The following ASAP2 variants were observed in gnomAD, a reference collection of about 807,000 sequenced individuals.
The protein encoded by ASAP2 is ArfGAP with SH3 domain, ankyrin repeat and PH domain 2.
A neutral mutation model predicts 131.4 loss-of-function variants in ASAP2; 45 were observed. The ratio of observed to expected loss-of-function variants is 0.34; its 90% CI spans 0.27 to 0.44. The LOEUF is 0.44. Ranked by LOEUF, ASAP2 falls within the 20% of genes least tolerant of loss-of-function variation. The pLI is 1.00. For synonymous variants in ASAP2, 510 were observed against 503.0 expected (o/e 1.01, Z -0.19); for missense variants, 1,011 against 1,297.0 (o/e 0.78, Z 3.39).
chr2:9,236,476 TCTTA>T (rs1326963769), intron 1 of ASAP2, among the ~76,000 whole-genome samples: 3 of 152,228 alleles, frequency 2.0e-5, no homozygotes, highest in African/African-American at 7.2e-5. Context: ...TATTTTGATA[TCTTA>T]CTTTTATGAA....
chr2:9,318,148 T>G (rs1572438999), intron 3 of ASAP2, among the ~76,000 whole-genome samples: 2 of 152,236 alleles, frequency 1.3e-5, no homozygotes, highest in African/African-American at 4.8e-5. Context: ...GTCCAGCTTA[T>G]GGGTGGAGCC....
intron 24 of ASAP2, 61 bp from the exon 25 acceptor site, chr2:9,399,962 G>A (rs79805479): frequency 1.3e-6 from 2 of 1,536,498 alleles, no homozygotes; most frequent in Non-Finnish European, 1.8e-6. Flanking sequence ...GATAAAAGGG[G>A]ATGAGAAAGG....
chr2:9,330,401 A>G (rs1670758427), intron 7 of ASAP2, among the ~76,000 whole-genome samples: 1 of 152,192 alleles, frequency 6.6e-6, no homozygotes, highest in Non-Finnish European at 1.5e-5. Context: ...GAGTGACAGC[A>G]GAGTCTCAGG....
chr2:9,385,741 C>T (rs1230109166), intron 21 of ASAP2, among the ~76,000 whole-genome samples: 2 of 152,318 alleles, frequency 1.3e-5, no homozygotes, highest in East Asian at 1.9e-4. Flanking sequence ...CTTATAAAAA[C>T]ATCAACTGAA....
intron 1 of ASAP2, among the ~76,000 whole-genome samples, chr2:9,245,878 C>G (rs1370038074): frequency 1.3e-5 from 2 of 152,292 alleles, no homozygotes; most frequent in East Asian, 3.9e-4. Flanking sequence ...AGAACTTGTT[C>G]TCAATAAATA....
At position 9,344,568 on chromosome 2, in the gene ASAP2, C is replaced by A; in HGVS notation, c.886C>A (p.His296Asn). 1.9e-6 allele frequency: 3 copies of A among 1,614,152 alleles called. No homozygotes were observed. Among genetic ancestry groups the A allele is most frequent in the Non-Finnish European group, 2.5e-6 (3 of 1,180,010 alleles). ...TCGTCAGAGCACAGCTTATAGCTTA[C>A]ATCAGCCTCAGGGAAACAAGGAACA... is the stretch of plus-strand genomic sequence containing the variant. ...QIRQSTAYSL[H>N]QPQGNKEHGT... Residue 296 changes from histidine to asparagine, a missense_variant, in exon 10 of 28, where the codon CAT becomes AAT. By Grantham distance (68) the His-to-Asn change is moderately conservative. Around this residue, in one of 2 missense-constraint regions of ASAP2, gnomAD observed 359 missense variants for 598.1 expected, o/e 0.60. Coordinates refer to ENST00000281419, the MANE Select transcript of ASAP2 (RefSeq NM_003887.3).
At position 9,207,277 on chromosome 2, in the gene ASAP2, C is replaced by T; in HGVS notation, c.126+47C>T. 1.4e-6 allele frequency: 2 copies of T among 1,468,314 alleles called. No individual in the cohort carries two copies. The highest frequency in any genetic ancestry group is 1.8e-6 in the Non-Finnish European group (2 of 1,115,468). 91.0% of individuals were successfully genotyped at this position (1,468,314 alleles called of 1,614,324 possible). ...CTCCGGCCGCAGGTATCCCGCGCCC[C>T]AGCCCCGCCCGCCGCTCCCGCATCC... On this transcript the variant is annotated intron_variant, in intron 1 of 27. Coordinates refer to ENST00000281419, the MANE Select transcript of ASAP2 (RefSeq NM_003887.3). The surrounding 1 kb of genome is among the most constrained non-coding windows in gnomAD (Gnocchi z 4.1).
chr2:9,309,101 T>A (rs1478992142), intron 3 of ASAP2, among the ~76,000 whole-genome samples: 1 of 152,184 alleles, frequency 6.6e-6, no homozygotes, highest in Admixed American at 6.5e-5. Context: ...CTTTGCGCTC[T>A]GCTCCAAGAC....
Position 9,320,065 on chromosome 2 carries a change from G to A in ASAP2, c.421-223G>A, listed in dbSNP as rs1572443885. Reference sequence around the variant, plus strand: ...CTGGGTGGCAGCACCTTGCTTTTGTGTACATTTAGTATATTCTATATTATT... The same window carrying A: ...CTGGGTGGCAGCACCTTGCTTTTGTATACATTTAGTATATTCTATATTATT... On this transcript the variant is annotated intron_variant, in intron 4 of 27. Transcript: ENST00000281419. Among the ~76,000 whole-genome samples the A allele has an allele frequency of 2.0e-5, 3 of 152,158 alleles. No individual in the cohort carries two copies. In the South Asian group the frequency reaches 6.2e-4, roughly 32 times the overall value.
chr2:9,387,244 G>A (rs10200904), intron 21 of ASAP2, among the ~76,000 whole-genome samples: 12,943 of 147,512 alleles, frequency 0.088, 583 homozygotes, highest in Non-Finnish European at 0.1. Flanking sequence ...AACCTTCAGG[G>A]GGGAGCAGGG....
intron 11 of ASAP2, chr2:9,350,504 T>C (rs1672258525): frequency 3.7e-6 from 1 of 271,384 alleles, no homozygotes; most frequent in African/African-American, 2.2e-5. Flanking sequence ...CCATGCAATA[T>C]CTTGATCTGA....
intron 2 of ASAP2, among the ~76,000 whole-genome samples, chr2:9,289,575 A>T (rs2148356721): frequency 1.3e-5 from 2 of 152,152 alleles, no homozygotes; most frequent in Middle Eastern, 6.8e-3. Flanking sequence ...CCCAGTCTCC[A>T]CTCTTCACCC....
chr2:9,348,854 G>T (rs1032612191), intron 11 of ASAP2, among the ~76,000 whole-genome samples: 5 of 152,218 alleles, frequency 3.3e-5, no homozygotes, highest in Non-Finnish European at 5.9e-5. Flanking sequence ...AATTTAAGTT[G>T]TGGTTCTTTG....
At chr2:9,297,149 A>G (rs1668200293) in intron 2 of ASAP2, 151 bp from the exon 3 acceptor site, 1 of 950,950 alleles carries the variant, frequency 1.1e-6, no homozygotes, top group African/African-American at 1.7e-5. Context: ...TTGTTGGGAT[A>G]ACGAAGCTAT....
chr2:9,342,841 G>A (rs1359417136), intron 9 of ASAP2, among the ~76,000 whole-genome samples: 4 of 152,184 alleles, frequency 2.6e-5, no homozygotes, highest in South Asian at 4.1e-4. Context: ...CCACGTGACC[G>A]TGACCTCCCT....
intron 2 of ASAP2, among the ~76,000 whole-genome samples, chr2:9,287,119 G>A (rs1006955163): frequency 1.3e-5 from 2 of 152,234 alleles, no homozygotes; most frequent in East Asian, 1.9e-4. Flanking sequence ...CCAGGTGAGC[G>A]TCCCGTCTCT....
chr2:9,269,087 T>C (rs1666156229), intron 1 of ASAP2, among the ~76,000 whole-genome samples: 1 of 151,998 alleles, frequency 6.6e-6, no homozygotes, highest in Admixed American at 6.6e-5. Flanking sequence ...AGATAGTAAA[T>C]ATTTTAGGTT....
At chr2:9,401,245 A>C (rs1310036799) in intron 26 of ASAP2, 29 bp from the exon 27 acceptor site, 2 of 1,612,658 alleles carry the variant, frequency 1.2e-6, no homozygotes, top group Admixed American at 3.3e-5. Flanking sequence ...CTGCAGCCAC[A>C]CTAACCGTTG....
At chr2:9,361,657 T>C (rs1429739333) in intron 15 of ASAP2, among the ~76,000 whole-genome samples, 3 of 152,036 alleles carry the variant, frequency 2.0e-5, no homozygotes, top group Non-Finnish European at 4.4e-5. Context: ...AACCTCTGCC[T>C]CCTGGGTTCA....
Sources: gnomAD v4.1 joint callset for allele counts (sites outside exome capture counted in the v4.1 genomes callset) on GRCh38, gnomAD v4.1.1 for gene constraint, gnomAD v4.1.1 regional missense constraint, Gnocchi (gnomAD v3.1) non-coding constraint, MANE v1.5 for transcripts, NCBI Gene and HGNC (gene_info 2026-07-23, HGNC 2026-07-21) for gene names.